The following CNTLN variants were observed in gnomAD, a reference collection of about 807,000 sequenced individuals.
CNTLN encodes the protein centlein, also known as centlein, centrosomal protein.
CNTLN carries 212 observed loss-of-function variants against 180.0 expected under a neutral mutation model. The ratio of observed to expected loss-of-function variants is 1.18; its 90% CI spans 1.05 to 1.32. The LOEUF (loss-of-function observed/expected upper bound fraction) is 1.32. CNTLN is among the 40% of genes most tolerant of loss of function. CNTLN has a pLI of 0.00. For missense variants in CNTLN, 2,095 were observed against 1,610.9 expected, an observed-to-expected ratio of 1.30 and a Z score of -5.14; for synonymous variants, 722 against 563.1, an observed-to-expected ratio of 1.28 and a Z score of -3.99.
chr9:17,165,847 A>G (rs1820034672), intron 2 of CNTLN, among the ~76,000 whole-genome samples: 1 of 152,220 alleles, frequency 6.6e-6, no homozygotes, highest in Non-Finnish European at 1.5e-5. Flanking sequence ...TTCTCTGGAG[A>G]AACTAAGCAT....
chr9:17,271,112 G>T (rs764560734), intron 5 of CNTLN, among the ~76,000 whole-genome samples: 1 of 151,804 alleles, frequency 6.6e-6, no homozygotes, highest in Admixed American at 6.6e-5. Context: ...CACCACGCCC[G>T]GCTAATTTTT....
At chr9:17,357,315 G>C (rs1822928683) in intron 12 of CNTLN, among the ~76,000 whole-genome samples, 1 of 151,548 alleles carries the variant, frequency 6.6e-6, no homozygotes, top group Admixed American at 6.6e-5. Flanking sequence ...ATTCTAATTT[G>C]TATTTTGCTA....
At chr9:17,275,032 A>G (rs186502907) in intron 6 of CNTLN, among the ~76,000 whole-genome samples, 11 of 152,272 alleles carry the variant, frequency 7.2e-5, no homozygotes, top group Admixed American at 7.2e-4. Flanking sequence ...ACTGGTTAAC[A>G]TATCAACTCA....
At chr9:17,144,916 A>T (rs1818348428) in intron 2 of CNTLN, among the ~76,000 whole-genome samples, 1 of 149,232 alleles carries the variant, frequency 6.7e-6, no homozygotes, top group Non-Finnish European at 1.5e-5. Context: ...ATCTCGGCTC[A>T]CTGCAAGCTC....
intron 18 of CNTLN, among the ~76,000 whole-genome samples, chr9:17,452,203 G>T (rs1830825909): frequency 6.6e-6 from 1 of 151,968 alleles, no homozygotes; most frequent in South Asian, 2.1e-4. Flanking sequence ...CTCATTATTG[G>T]GCCTGAAGAA....
chr9:17,251,522 A>C (rs1415750785), intron 5 of CNTLN, among the ~76,000 whole-genome samples: 1 of 151,768 alleles, frequency 6.6e-6, no homozygotes, highest in Non-Finnish European at 1.5e-5. Context: ...TCTGCTGCTG[A>C]ACCCTCTAGT....
At chr9:17,135,766 C>G (rs886467459) in intron 1 of CNTLN, among the ~76,000 whole-genome samples, 3 of 152,176 alleles carry the variant, frequency 2.0e-5, no homozygotes, top group African/African-American at 7.2e-5. Flanking sequence ...GCCGGGGGCC[C>G]AGGAGTGACA....
chr9:17,520,662 T>C, the CNTLN span, among the ~76,000 whole-genome samples: 1 of 152,256 alleles, frequency 6.6e-6, no homozygotes, highest in Admixed American at 6.5e-5. Flanking sequence ...TGAGTCTGTT[T>C]ATTTTAACTG....
intron 21 of CNTLN, among the ~76,000 whole-genome samples, chr9:17,464,884 C>T (rs1831655611): frequency 6.6e-6 from 1 of 151,052 alleles, no homozygotes; most frequent in Non-Finnish European, 1.5e-5. Flanking sequence ...CTCAATATTT[C>T]TAGGATACAT....
intron 6 of CNTLN, among the ~76,000 whole-genome samples, chr9:17,290,579 T>A (rs1829312507): frequency 7.1e-6 from 1 of 140,484 alleles, no homozygotes; most frequent in African/African-American, 2.6e-5. Context: ...TAAGGAAGCC[T>A]GGGCAATGGC....
chr9:17,382,311 A>G (rs1437125002), intron 13 of CNTLN, among the ~76,000 whole-genome samples: 1 of 152,216 alleles, frequency 6.6e-6, no homozygotes, highest in African/African-American at 2.4e-5. Flanking sequence ...AAGTAACTCA[A>G]GTTTACTTAC....
intron 12 of CNTLN, among the ~76,000 whole-genome samples, chr9:17,365,031 T>C (rs544851885): frequency 1.3e-5 from 2 of 152,312 alleles, no homozygotes; most frequent in African/African-American, 4.8e-5. Context: ...TGTCGTTAGC[T>C]CATTTTTATC....
intron 15 of CNTLN, among the ~76,000 whole-genome samples, chr9:17,402,400 C>T (rs1222382590): frequency 6.6e-6 from 1 of 151,814 alleles, no homozygotes; most frequent in African/African-American, 2.4e-5. Context: ...AAATACAGTT[C>T]TTCTATGAGC....
chr9:17,336,698 T>C (rs1191818180), intron 10 of CNTLN, among the ~76,000 whole-genome samples: 3 of 152,220 alleles, frequency 2.0e-5, no homozygotes, highest in Non-Finnish European at 4.4e-5. Context: ...AAGGCTCATC[T>C]ATAAAACCTT....
intron 7 of CNTLN, among the ~76,000 whole-genome samples, chr9:17,307,972 C>CCACACACACACACA (rs3837233): frequency 1.1e-4 from 15 of 137,906 alleles, no homozygotes; most frequent in South Asian, 2.6e-4. Flanking sequence ...GCCTTTAAAA[C>CCACACACACACACA]CACACACACA....
intron 2 of CNTLN, among the ~76,000 whole-genome samples, chr9:17,219,418 AT>A (rs1408804506): frequency 5.3e-5 from 8 of 152,066 alleles, no homozygotes; most frequent in Admixed American, 1.3e-4. Context: ...TCTTGGGAGC[AT>A]TTTCCTGTTA....
chr9:17,190,556 G>A (rs1303392993), intron 2 of CNTLN, among the ~76,000 whole-genome samples: 2 of 152,094 alleles, frequency 1.3e-5, no homozygotes, highest in African/African-American at 4.8e-5. Context: ...TATAGTGAGA[G>A]TTTCAAATAT....
At chr9:17,482,561 G>A (rs1832703608) in intron 23 of CNTLN, among the ~76,000 whole-genome samples, 1 of 151,410 alleles carries the variant, frequency 6.6e-6, no homozygotes, top group East Asian at 2.0e-4. Context: ...AATTACCACA[G>A]TAAGATATTT....
chr9:17,358,308 A>T (rs1168839549), intron 12 of CNTLN, among the ~76,000 whole-genome samples: 2 of 152,108 alleles, frequency 1.3e-5, no homozygotes, highest in African/African-American at 4.8e-5. Flanking sequence ...CTAGATCTAA[A>T]CTTATCAAAA....
Sources: gnomAD v4.1 joint callset for allele counts (sites outside exome capture counted in the v4.1 genomes callset) on GRCh38, gnomAD v4.1.1 for gene constraint, MANE v1.5 for transcripts, NCBI Gene and HGNC (gene_info 2026-07-23, HGNC 2026-07-21) for gene names.